LIN28B: variants seen among roughly 807,000 people sequenced by gnomAD.
LIN28B encodes lin-28 RNA binding posttranscriptional regulator B, also known as protein lin-28 homolog B.
Under a neutral mutation model 21.9 loss-of-function variants are expected in LIN28B, and 5 were observed. The observed-to-expected ratio is 0.23, with a 90% CI of 0.12 to 0.48. The LOEUF (loss-of-function observed/expected upper bound fraction) is 0.48, where lower values mean the gene tolerates loss of function less well. Ranked by LOEUF, LIN28B falls within the 20% of genes least tolerant of loss-of-function variation. LIN28B has a pLI of 0.98. For missense variants in LIN28B, 245 were observed against 310.5 expected (o/e 0.79, Z 1.58); for synonymous variants, 109 against 111.3 (o/e 0.98, Z 0.13).
chr6:104,972,105 G>C (rs1423686642), intron 2 of LIN28B, among the ~76,000 whole-genome samples: 4 of 151,980 alleles, frequency 2.6e-5, no homozygotes, highest in Admixed American at 6.6e-5. Flanking sequence ...TGAGTATCTG[G>C]GACTACAGGT....
At chr6:104,970,276 C>T (rs1562076255) in intron 2 of LIN28B, among the ~76,000 whole-genome samples, 1 of 152,058 alleles carries the variant, frequency 6.6e-6, no homozygotes, top group Non-Finnish European at 1.5e-5. Flanking sequence ...AATCTTAATT[C>T]AGTATAGTTT....
rs984218892 is a variant in LIN28B at position 105,080,657 on chromosome 6, A to G, written c.*1874A>G. 6.6e-6 allele frequency: 1 copy of G among 152,652 alleles called. No homozygotes were observed. Among genetic ancestry groups the G allele is most frequent in the African/African-American group, 2.4e-5 (1 of 41,458 alleles). 9.5% of individuals were successfully genotyped at this position (152,652 alleles called of 1,614,324 possible). On this transcript the variant is annotated 3_prime_UTR_variant, in exon 4 of 4. Transcript: ENST00000345080. Reference sequence around the variant, plus strand: ...CTGTAGAGAAGTACTTCCTTGCCTTATGTGAGGATTTCAAACTTATTTAAA... The same window carrying G: ...CTGTAGAGAAGTACTTCCTTGCCTTGTGTGAGGATTTCAAACTTATTTAAA...
At chr6:105,004,028 G>A (rs1770768253) in intron 2 of LIN28B, among the ~76,000 whole-genome samples, 1 of 152,178 alleles carries the variant, frequency 6.6e-6, no homozygotes, top group African/African-American at 2.4e-5. Context: ...AGGAAAGCCA[G>A]TCTGAGTCCC....
At chr6:104,999,800 C>A (rs1370046148) in intron 2 of LIN28B, among the ~76,000 whole-genome samples, 2 of 152,052 alleles carry the variant, frequency 1.3e-5, no homozygotes, top group African/African-American at 4.8e-5. Context: ...CCTGCCTCAG[C>A]CCCCGGAGTA....
At chr6:105,039,950 A>G (rs1248452224) in intron 3 of LIN28B, among the ~76,000 whole-genome samples, 1 of 152,160 alleles carries the variant, frequency 6.6e-6, no homozygotes, top group Non-Finnish European at 1.5e-5. Context: ...GACAGCAAGC[A>G]TTTTGTCTTC....
At chr6:104,983,434 G>C (rs538524727) in intron 2 of LIN28B, among the ~76,000 whole-genome samples, 47 of 152,364 alleles carry the variant, frequency 3.1e-4, no homozygotes, top group African/African-American at 9.9e-4. Context: ...CCTTTGGCCA[G>C]TAGCACCTGG....
chr6:105,078,853 G>C lies in LIN28B; in HGVS notation c.*70G>C. On this transcript the variant is annotated 3_prime_UTR_variant, in exon 4 of 4. Coordinates refer to ENST00000345080, the MANE Select transcript of LIN28B (RefSeq NM_001004317.4). The stretch of plus-strand genomic sequence containing the variant: ...TACCTCATGCAAGTATAGGGGAACA[G>C]TATTTCACAAGCAGTAGCTGACCTG... 1 of 1,512,520 alleles carries C rather than the reference G, an allele frequency of 6.6e-7. No individual in the cohort carries two copies. The highest frequency in any genetic ancestry group is 8.9e-7 in the Non-Finnish European group (1 of 1,125,586). The allele number at this position is 1,512,520 out of a possible 1,614,324, so 93.7% of individuals were successfully genotyped here. A position where few individuals can be genotyped will look rare whatever the true frequency, so the allele number is the denominator to read the frequency against.
At chr6:104,983,189 T>C (rs1770261897) in intron 2 of LIN28B, among the ~76,000 whole-genome samples, 2 of 152,198 alleles carry the variant, frequency 1.3e-5, no homozygotes, top group South Asian at 2.1e-4. Context: ...GGATGGCTTA[T>C]ATAAAAATGG....
rs1420013128 is a variant in LIN28B, at chr6:105,051,260, G to C, written c.383+24778G>C. On this transcript the variant is annotated intron_variant, in intron 3 of 3. Transcript: ENST00000345080. ...TTGAGACCAGCCTGGCCAACATGGT[G>C]AAACCCTATCTCTACTAAAAATACA... 2.6e-5 allele frequency among the ~76,000 whole-genome samples: 4 copies of C among 151,364 alleles called. No homozygotes were observed. The East Asian group carries it at 5.8e-4, about 22-fold the overall frequency.
upstream of LIN28B, among the ~76,000 whole-genome samples, chr6:104,953,213 C>T (rs1346633921): frequency 2.6e-5 from 4 of 152,170 alleles, no homozygotes; most frequent in African/African-American, 9.6e-5. Flanking sequence ...GACGTTTTTT[C>T]TTGATCCTCC....
upstream of LIN28B, among the ~76,000 whole-genome samples, chr6:104,954,790 A>G (rs534994377): frequency 3.3e-5 from 5 of 152,188 alleles, no homozygotes; most frequent in Non-Finnish European, 7.3e-5. Context: ...TATACTGTAC[A>G]GTGTAGTTCA....
intron 2 of LIN28B, among the ~76,000 whole-genome samples, chr6:105,005,999 A>C (rs1310847238): frequency 6.6e-6 from 1 of 152,170 alleles, no homozygotes; most frequent in Non-Finnish European, 1.5e-5. Flanking sequence ...TATTAATTGC[A>C]GTTGTTAAAG....
intron 2 of LIN28B, among the ~76,000 whole-genome samples, chr6:104,967,714 C>T (rs1289745643): frequency 6.6e-6 from 1 of 151,284 alleles, no homozygotes; most frequent in Non-Finnish European, 1.5e-5. Flanking sequence ...GGGTCTTCCT[C>T]AGTCACCCAG....
At chr6:105,067,150 CA>C (rs137926559) in intron 3 of LIN28B, among the ~76,000 whole-genome samples, 21 of 152,310 alleles carry the variant, frequency 1.4e-4, no homozygotes, top group Non-Finnish European at 2.6e-4. Context: ...CTGATTCTTC[CA>C]TCTAAGCAAG....
chr6:105,047,667 G>C (rs778386098), intron 3 of LIN28B, among the ~76,000 whole-genome samples: 1 of 152,026 alleles, frequency 6.6e-6, no homozygotes, highest in Admixed American at 6.6e-5. Context: ...ATGTTCTTCC[G>C]TTTGTTTGTG....
intron 2 of LIN28B, among the ~76,000 whole-genome samples, chr6:104,976,862 G>A (rs982911337): frequency 7.9e-5 from 12 of 152,318 alleles, no homozygotes; most frequent in Non-Finnish European, 1.5e-4. Context: ...GCTTGTAGCA[G>A]GCAGGCTTAT....
At chr6:105,059,657 A>G (rs1772088490) in intron 3 of LIN28B, among the ~76,000 whole-genome samples, 2 of 152,206 alleles carry the variant, frequency 1.3e-5, no homozygotes, top group African/African-American at 4.8e-5. Context: ...AGCTTCTGCC[A>G]TAGAGTTACA....
intron 2 of LIN28B, among the ~76,000 whole-genome samples, chr6:105,011,967 G>A (rs1001028441): frequency 2.0e-5 from 3 of 152,106 alleles, no homozygotes; most frequent in African/African-American, 7.2e-5. Flanking sequence ...AGACTGGCCT[G>A]GCCAACATGG....
At chr6:104,949,089 A>G (rs1440909582) in intron 2 of LIN28B, among the ~76,000 whole-genome samples, 1 of 151,922 alleles carries the variant, frequency 6.6e-6, no homozygotes, top group Non-Finnish European at 1.5e-5. Flanking sequence ...TCTTTAAAAT[A>G]TGTTGGCTTG....
Sources: gnomAD v4.1 joint callset for allele counts (sites outside exome capture counted in the v4.1 genomes callset) on GRCh38, gnomAD v4.1.1 for gene constraint, MANE v1.5 for transcripts, NCBI Gene and HGNC (gene_info 2026-07-23, HGNC 2026-07-21) for gene names.